The following CTTNBP2 variants were observed in gnomAD, a reference collection of about 807,000 sequenced individuals.
CTTNBP2 encodes cortactin binding protein 2.
Under a neutral mutation model 156.9 loss-of-function variants are expected in CTTNBP2, and 108 were observed. The observed-to-expected ratio is 0.69, with a 90% CI of 0.59 to 0.81. The LOEUF (loss-of-function observed/expected upper bound fraction) is 0.81, where lower values mean the gene tolerates loss of function less well. Ranked by LOEUF, CTTNBP2 falls within the 30% of genes least tolerant of loss-of-function variation. CTTNBP2 has a pLI of 0.00. For synonymous variants in CTTNBP2, 767 were observed against 751.8 expected (o/e 1.02, Z -0.33); for missense variants, 1,924 against 2,035.4 (o/e 0.95, Z 1.05).
intron 3 of CTTNBP2, among the ~76,000 whole-genome samples, chr7:117,794,024 A>ACTTTACTG (rs1276925939): frequency 1.5e-4 from 23 of 152,094 alleles, no homozygotes; most frequent in African/African-American, 4.6e-4. Context: ...CCCAAGTATG[A>ACTTTACTG]CTTTACTGAG....
intron 9 of CTTNBP2, among the ~76,000 whole-genome samples, chr7:117,762,957 G>C (rs1400903718): frequency 3.3e-5 from 5 of 152,266 alleles, no homozygotes; most frequent in African/African-American, 1.2e-4. Flanking sequence ...TTGAACCTTA[G>C]ATATCCACAT....
chr7:117,738,409 G>A (rs1368204626), intron 14 of CTTNBP2, among the ~76,000 whole-genome samples: 1 of 152,178 alleles, frequency 6.6e-6, no homozygotes, highest in East Asian at 1.9e-4. Flanking sequence ...TCATGGTGCA[G>A]AGAATTGGCT....
chr7:117,811,862 AAATTTTAATTAAATTAAAATTTTAAT>A (rs1800307051), intron 2 of CTTNBP2, among the ~76,000 whole-genome samples: 1 of 132,894 alleles, frequency 7.5e-6, no homozygotes, highest in African/African-American at 3.1e-5. Context: ...TTTAATGTAA[AAATTTTAATTAAATTAAAATTTTAAT>A]GTAAAAATTT....
At chr7:117,745,339 T>A (rs1293904833) in intron 14 of CTTNBP2, among the ~76,000 whole-genome samples, 2 of 152,222 alleles carry the variant, frequency 1.3e-5, no homozygotes, top group Non-Finnish European at 2.9e-5. Context: ...GTGCATGTGA[T>A]GTATTTCACT....
chr7:117,862,608 T>A (rs572290686), intron 1 of CTTNBP2, among the ~76,000 whole-genome samples: 1 of 152,158 alleles, frequency 6.6e-6, no homozygotes, highest in Non-Finnish European at 1.5e-5. Context: ...ACTCTGCTCC[T>A]CCCTTCTGTA....
intron 16 of CTTNBP2, among the ~76,000 whole-genome samples, chr7:117,729,027 T>G (rs770928133): frequency 6.6e-6 from 1 of 152,194 alleles, no homozygotes; most frequent in Non-Finnish European, 1.5e-5. Flanking sequence ...AGCTGCCTCA[T>G]CAAGACCACA....
intron 12 of CTTNBP2, among the ~76,000 whole-genome samples, chr7:117,746,793 T>A (rs926385250): frequency 6.6e-6 from 1 of 152,182 alleles, no homozygotes; most frequent in African/African-American, 2.4e-5. Flanking sequence ...TTTAAAGAAA[T>A]CTAGGTAGAG....
intron 22 of CTTNBP2, among the ~76,000 whole-genome samples, chr7:117,714,870 G>A (rs1207981159): frequency 6.6e-6 from 1 of 152,188 alleles, no homozygotes; most frequent in East Asian, 1.9e-4. Flanking sequence ...AGCCTAGGGG[G>A]CAGCGGAGTT....
intron 14 of CTTNBP2, among the ~76,000 whole-genome samples, chr7:117,741,700 C>T (rs1466303574): frequency 6.6e-6 from 1 of 152,166 alleles, no homozygotes; most frequent in Non-Finnish European, 1.5e-5. Context: ...TGTCCTTAGT[C>T]TATTGTTCAA....
chr7:117,789,318 T>C (rs1368389228), intron 4 of CTTNBP2, among the ~76,000 whole-genome samples: 1 of 152,168 alleles, frequency 6.6e-6, no homozygotes, highest in East Asian at 1.9e-4. Context: ...AAAGTAAAGA[T>C]GGCTTTGTAT....
intron 3 of CTTNBP2, among the ~76,000 whole-genome samples, chr7:117,805,574 C>T (rs919933139): frequency 2.0e-5 from 3 of 152,236 alleles, no homozygotes; most frequent in African/African-American, 2.4e-5. Context: ...ACATGGCATA[C>T]ACTGCGAGCT....
At chr7:117,817,388 A>ATATATATATATATATATATATATATAT (rs1554437687) in intron 2 of CTTNBP2, among the ~76,000 whole-genome samples, 2 of 124,764 alleles carry the variant, frequency 1.6e-5, no homozygotes, top group Non-Finnish European at 3.4e-5. Context: ...ATATATATAT[A>ATATATATATATATATATATATATATAT]ATTTCATCAG....
At chr7:117,758,558 C>G (rs1455002532) in intron 10 of CTTNBP2, among the ~76,000 whole-genome samples, 1 of 152,016 alleles carries the variant, frequency 6.6e-6, no homozygotes, top group Non-Finnish European at 1.5e-5. Context: ...TTTTTTTCAT[C>G]TCTTCCTTCC....
Position 117,767,399 on chromosome 7 carries a change from A to G in CTTNBP2, c.2779-223T>C, listed in dbSNP as rs547337088. On this transcript the variant is annotated intron_variant, in intron 8 of 22. Coordinates refer to ENST00000160373, the MANE Select transcript of CTTNBP2 (RefSeq NM_033427.3). ...TTTAAATGCAAATGATAGGATCATAACATTGTTCCACAGAACAGCTTCTTA... is the reference window on the plus strand; with the variant it reads ...TTTAAATGCAAATGATAGGATCATAGCATTGTTCCACAGAACAGCTTCTTA... Among the ~76,000 whole-genome samples, 3 of 152,360 alleles carry G rather than the reference A, an allele frequency of 2.0e-5. No homozygotes were observed. The South Asian group carries it at 6.2e-4, about 32-fold the overall frequency.
intron 8 of CTTNBP2, among the ~76,000 whole-genome samples, chr7:117,770,150 G>A (rs1797725736): frequency 6.6e-6 from 1 of 152,184 alleles, no homozygotes; most frequent in Non-Finnish European, 1.5e-5. Flanking sequence ...CATAACAAAT[G>A]TCACTAATCT....
In CTTNBP2 at chr7:117,804,206, G is replaced by A. The variant is rs374772730; in HGVS notation, c.414+6559C>T. On this transcript the variant is annotated intron_variant, in intron 3 of 22. Transcript: ENST00000160373. ...TCAAACTCCTGATCTCAAGTGATCC[G>A]CCTGTCTCAGTCTCCCAAACTGCTG... Among the ~76,000 whole-genome samples, 162 of 152,144 alleles carry A rather than the reference G, an allele frequency of 1.1e-3. 4 individuals are homozygous for A. Among genetic ancestry groups the A allele is most frequent in the African/African-American group, 3.7e-3 (154 of 41,498 alleles).
chr7:117,806,194 T>C (rs868538758), intron 3 of CTTNBP2, among the ~76,000 whole-genome samples: 5 of 152,112 alleles, frequency 3.3e-5, no homozygotes, highest in Non-Finnish European at 7.4e-5. Flanking sequence ...TCACTGGTAG[T>C]GAGAAAGTGG....
intron 7 of CTTNBP2, 92 bp from the exon 8 acceptor site, chr7:117,777,857 C>T: frequency 1.6e-6 from 2 of 1,260,280 alleles, no homozygotes; most frequent in Non-Finnish European, 1.1e-6. Flanking sequence ...TGTTCTTGGG[C>T]ATGGACCACT....
chr7:117,713,070 G>A (rs1012975472), intron 22 of CTTNBP2, among the ~76,000 whole-genome samples: 6 of 152,172 alleles, frequency 3.9e-5, no homozygotes, highest in African/African-American at 1.4e-4. Context: ...AATTGTGCAA[G>A]TGAGGGGTCT....
Sources: allele counts gnomAD v4.1 joint callset (sites outside exome capture counted in the v4.1 genomes callset), GRCh38; gene constraint gnomAD v4.1.1; transcripts MANE v1.5; gene names NCBI Gene and HGNC (gene_info 2026-07-23, HGNC 2026-07-21).